BMP5: variants seen among roughly 807,000 people sequenced by gnomAD.
BMP5 encodes the protein bone morphogenetic protein 5.
In BMP5, 23 loss-of-function variants were observed where a neutral mutation model predicts 46.6. That is an observed-to-expected ratio of 0.49 (90% CI 0.35 to 0.70). The LOEUF is 0.70. Ranked by LOEUF, BMP5 falls within the 30% of genes least tolerant of loss-of-function variation. BMP5 has a pLI of 0.00. For synonymous variants in BMP5, 204 were observed against 191.9 expected, an observed-to-expected ratio of 1.06 and a Z score of -0.52; for missense variants, 545 against 565.6, an observed-to-expected ratio of 0.96 and a Z score of 0.37.
At chr6:55,840,373 G>A (rs1776919682) in intron 1 of BMP5, among the ~76,000 whole-genome samples, 6 of 151,874 alleles carry the variant, frequency 4.0e-5, no homozygotes, top group Admixed American at 3.3e-4. Context: ...TTATTTTCCT[G>A]GTGAAGACCT....
chr6:55,874,359 A>T lies in BMP5; in HGVS notation c.490+17T>A, dbSNP rs1401718099. ...ACTTTGTAATAACATAGATTAACAAACAAATGAACAACATACCTAAGTTGA... is the reference window on the plus strand; with the variant it reads ...ACTTTGTAATAACATAGATTAACAATCAAATGAACAACATACCTAAGTTGA... On this transcript the variant is annotated intron_variant, in intron 1 of 6. Transcript: ENST00000370830. 2 of 1,612,876 alleles carry T rather than the reference A, an allele frequency of 1.2e-6. No homozygotes were observed. The highest frequency in any genetic ancestry group is 2.7e-5 in the African/African-American group (2 of 74,970).
Position 55,794,344 on chromosome 6 carries a change from C to T in BMP5, c.767G>A (p.Ser256Asn). The part of the protein sequence containing the change: ...GWLVFDITVT[S>N]NHWVINPQNN... ...CTGGGGATTAATCACCCAATGATTG[C>T]TGGTCACAGTGATATCAAAGACAAG... Residue 256 changes from serine to asparagine, a missense_variant, in exon 3 of 7, where the codon AGC (serine) becomes AAC (asparagine). Ser to Asn is a conservative substitution (Grantham distance 46). Coordinates refer to ENST00000370830, the MANE Select transcript of BMP5 (RefSeq NM_021073.4). 1 of 1,613,988 alleles carries T rather than the reference C, an allele frequency of 6.2e-7. No homozygotes were observed.
At chr6:55,864,931 C>T (rs1416192196) in intron 1 of BMP5, among the ~76,000 whole-genome samples, 6 of 150,580 alleles carry the variant, frequency 4.0e-5, no homozygotes, top group Non-Finnish European at 3.0e-5. Flanking sequence ...AACAAATCGT[C>T]GAGGAAAGTC....
intron 3 of BMP5, among the ~76,000 whole-genome samples, chr6:55,792,891 G>A (rs964037580): frequency 1.3e-5 from 2 of 152,136 alleles, no homozygotes; most frequent in African/African-American, 4.8e-5. Flanking sequence ...ACAAGAAGCA[G>A]TGAACCTTAA....
chr6:55,842,235 C>T (rs1297925410), intron 1 of BMP5, among the ~76,000 whole-genome samples: 1 of 152,110 alleles, frequency 6.6e-6, no homozygotes, highest in African/African-American at 2.4e-5. Context: ...TCAGTTTGTT[C>T]TTAGTTCTAA....
intron 1 of BMP5, among the ~76,000 whole-genome samples, chr6:55,838,044 T>C (rs973274117): frequency 9.2e-5 from 14 of 152,200 alleles, no homozygotes; most frequent in Admixed American, 9.2e-4. Flanking sequence ...TCACAATTTC[T>C]TCATCCATTC....
At position 55,755,543 on chromosome 6, in the gene BMP5, C is replaced by T; in HGVS notation, c.1355G>A (p.Gly452Asp). 1 of 1,609,226 alleles carries T rather than the reference C, an allele frequency of 6.2e-7. No homozygotes were observed. The highest frequency in any genetic ancestry group is 8.5e-7 in the Non-Finnish European group (1 of 1,176,768). Reference protein sequence around the residue: ...KYRNMVVRSCGCH With the variant: ...KYRNMVVRSCDCH ...CAATATTATTTAATATTAGTGGCAGCCACATGAGCGTACTACCATATTTCT... is the reference window on the plus strand; with the variant it reads ...CAATATTATTTAATATTAGTGGCAGTCACATGAGCGTACTACCATATTTCT... The change falls in exon 7 of 7, where the codon GGC becomes GAC. Residue 452 changes from glycine to aspartate, a missense_variant. By Grantham distance (94) the Gly-to-Asp change is moderately conservative. Coordinates refer to ENST00000370830, the MANE Select transcript of BMP5 (RefSeq NM_021073.4).
At chr6:55,810,486 C>G (rs1486920806) in intron 2 of BMP5, among the ~76,000 whole-genome samples, 1 of 152,162 alleles carries the variant, frequency 6.6e-6, no homozygotes, top group Non-Finnish European at 1.5e-5. Flanking sequence ...GAAATTTAAA[C>G]ATGTGCTACC....
chr6:55,772,043 T>C lies in BMP5; in HGVS notation c.1027+2006A>G, dbSNP rs983759719. ...CTACCTATTGAAAGGTTAAGTCTTA[T>C]AGACACAAACCAGCTACTTTCTTTC... is the stretch of plus-strand genomic sequence containing the variant. On this transcript the variant is annotated intron_variant, in intron 4 of 6. Transcript: ENST00000370830. Among the ~76,000 whole-genome samples, 8 of 151,928 alleles carry C rather than the reference T, an allele frequency of 5.3e-5. No individual in the cohort carries two copies. The Admixed American group carries it at 5.3e-4, about 10-fold the overall frequency.
rs560608478 is a variant in BMP5, at chr6:55,780,470, A to AAAAGAAAGAAAG, written c.833-6239_833-6228dup. Among the ~76,000 whole-genome samples the AAAAGAAAGAAAG allele has an allele frequency of 1.4e-4, 19 of 131,736 alleles. No homozygotes were observed. In the South Asian group the frequency reaches 1.7e-3, roughly 12 times the overall value. The allele number at this position is 131,736 out of a possible 152,430, so 86.4% of individuals were successfully genotyped here. Reference sequence around the variant, plus strand: ...CCCATCACTACTAAAAAAAAAAAAAAAAAGAAAGAAAGAAAGAAAGAAAGA... The same window carrying AAAAGAAAGAAAG: ...CCCATCACTACTAAAAAAAAAAAAAAAAAGAAAGAAAGAAAGAAAGAAAGAAAGAAAGAAAGA... On this transcript the variant is annotated intron_variant, in intron 3 of 6. Coordinates refer to ENST00000370830, the MANE Select transcript of BMP5 (RefSeq NM_021073.4).
At chr6:55,837,357 A>AGATAGATAGAT (rs1776833930) in intron 1 of BMP5, among the ~76,000 whole-genome samples, 1 of 150,016 alleles carries the variant, frequency 6.7e-6, no homozygotes. Context: ...ATAGATAGAT[A>AGATAGATAGAT]GATAGATAGA....
chr6:55,853,177 TAAAATAAAA>T (rs1231513907), intron 1 of BMP5, among the ~76,000 whole-genome samples: 1 of 123,904 alleles, frequency 8.1e-6, no homozygotes, highest in Non-Finnish European at 1.7e-5. Flanking sequence ...TAAAATAAAA[TAAAATAAAA>T]TAAAATAAAA....
chr6:55,813,007 T>C (rs1377596491), intron 2 of BMP5, among the ~76,000 whole-genome samples: 2 of 152,132 alleles, frequency 1.3e-5, no homozygotes, highest in East Asian at 3.8e-4. Flanking sequence ...AAAGTCAAAG[T>C]TCCAAAGCAG....
At chr6:55,807,373 T>G (rs935707360) in intron 2 of BMP5, among the ~76,000 whole-genome samples, 6 of 152,240 alleles carry the variant, frequency 3.9e-5, no homozygotes, top group African/African-American at 1.4e-4. Context: ...ATTTATTGAT[T>G]TGCATATGTT....
At chr6:55,773,210 T>C (rs564554737) in intron 4 of BMP5, among the ~76,000 whole-genome samples, 1 of 152,084 alleles carries the variant, frequency 6.6e-6, no homozygotes, top group African/African-American at 2.4e-5. Context: ...TAGATAAGTA[T>C]GTGATACTAC....
At chr6:55,769,672 C>T (rs1775000985) in intron 4 of BMP5, among the ~76,000 whole-genome samples, 1 of 151,846 alleles carries the variant, frequency 6.6e-6, no homozygotes, top group Non-Finnish European at 1.5e-5. Flanking sequence ...AGAAGGTTGC[C>T]TAGATCCTTC....
intron 2 of BMP5, among the ~76,000 whole-genome samples, chr6:55,804,105 G>A (rs1775926798): frequency 6.6e-6 from 1 of 152,050 alleles, no homozygotes; most frequent in African/African-American, 2.4e-5. Context: ...CCCTGTTATG[G>A]GTTAAATTGT....
intron 3 of BMP5, among the ~76,000 whole-genome samples, chr6:55,777,074 G>C (rs953121190): frequency 1.3e-5 from 2 of 151,868 alleles, no homozygotes; most frequent in African/African-American, 4.8e-5. Context: ...GCAATGGAGT[G>C]ACTATTAAGA....
chr6:55,860,342 A>G (rs1411511465), intron 1 of BMP5, among the ~76,000 whole-genome samples: 2 of 152,228 alleles, frequency 1.3e-5, no homozygotes, highest in Non-Finnish European at 2.9e-5. Flanking sequence ...AAGAACTCTG[A>G]TTAAAAAGAG....
Sources: gnomAD v4.1 joint callset for allele counts (sites outside exome capture counted in the v4.1 genomes callset) on GRCh38, gnomAD v4.1.1 for gene constraint, MANE v1.5 for transcripts, NCBI Gene and HGNC (gene_info 2026-07-23, HGNC 2026-07-21) for gene names.